GALNT13: variants seen among roughly 807,000 people sequenced by gnomAD.
GALNT13 encodes the protein polypeptide N-acetylgalactosaminyltransferase 13, also known as UDP-GalNAc:polypeptide N-acetylgalactosaminyltransferase 13.
Under a neutral mutation model 64.2 loss-of-function variants are expected in GALNT13, and 28 were observed. The observed-to-expected ratio is 0.44, with a 90% CI of 0.32 to 0.60. The LOEUF (loss-of-function observed/expected upper bound fraction) is 0.60. Among genes scored for constraint, GALNT13 ranks in the 20% least tolerant of loss-of-function variants. The probability of loss-of-function intolerance (pLI) is 0.05; values close to 1 mark genes in which losing one functional copy is unlikely to be tolerated. For synonymous variants in GALNT13, 214 were observed against 224.6 expected (o/e 0.95, Z 0.42); for missense variants, 577 against 669.8 (o/e 0.86, Z 1.53).
chr2:153,778,774 A>C, the GALNT13 span, among the ~76,000 whole-genome samples: 1 of 152,202 alleles, frequency 6.6e-6, no homozygotes, highest in African/African-American at 2.4e-5. Flanking sequence ...GTACAAGTGC[A>C]GTTTTGTTAC....
chr2:153,634,580 T>C, the GALNT13 span, among the ~76,000 whole-genome samples: 2 of 134,958 alleles, frequency 1.5e-5, no homozygotes, highest in African/African-American at 5.8e-5. Context: ...AGATGGAGTC[T>C]CGCTCTGTCA....
the GALNT13 span, among the ~76,000 whole-genome samples, chr2:153,183,719 G>A: frequency 6.6e-6 from 1 of 152,032 alleles, no homozygotes; most frequent in Admixed American, 6.6e-5. Context: ...CATTTATTAA[G>A]GAGGCAGTCT....
chr2:153,379,503 A>G, the GALNT13 span, among the ~76,000 whole-genome samples: 1 of 152,314 alleles, frequency 6.6e-6, no homozygotes, highest in East Asian at 1.9e-4. Flanking sequence ...GGCAGCAATC[A>G]GACTTCTTTG....
chr2:153,432,145 A>G, the GALNT13 span, among the ~76,000 whole-genome samples: 2 of 152,196 alleles, frequency 1.3e-5, no homozygotes, highest in African/African-American at 2.4e-5. Flanking sequence ...TTCAATTTCC[A>G]TGAAATCAAC....
chr2:154,025,664 A>C (rs1476621523), intron 3 of GALNT13, among the ~76,000 whole-genome samples: 1 of 152,118 alleles, frequency 6.6e-6, no homozygotes, highest in Non-Finnish European at 1.5e-5. Flanking sequence ...TTATTTCTTC[A>C]TTTAGTCAAC....
Position 153,993,619 on chromosome 2 carries a change from T to C in GALNT13, c.142+48980T>C, listed in dbSNP as rs536786797. Among the ~76,000 whole-genome samples the C allele has an allele frequency of 2.7e-3, 392 of 147,182 alleles. 6 individuals carry two copies. Among genetic ancestry groups the C allele is most frequent in the African/African-American group, 9.3e-3 (377 of 40,328 alleles). Reference sequence around the variant, plus strand: ...GGCTGAGGCAGGAGAATGTGTGAACTTGGGAGGCGAAGCTTGCATTGAGCC... The same window carrying C: ...GGCTGAGGCAGGAGAATGTGTGAACCTGGGAGGCGAAGCTTGCATTGAGCC... On this transcript the variant is annotated intron_variant, in intron 3 of 12. Coordinates refer to ENST00000392825, the MANE Select transcript of GALNT13 (RefSeq NM_052917.4).
the GALNT13 span, among the ~76,000 whole-genome samples, chr2:153,611,366 T>A: frequency 4.9e-4 from 75 of 152,236 alleles, no homozygotes; most frequent in Middle Eastern, 3.4e-3. Context: ...CGCCTTTTTT[T>A]AATTTTTTCA....
At chr2:154,329,086 G>A (rs1185523081) in intron 9 of GALNT13, among the ~76,000 whole-genome samples, 1 of 151,974 alleles carries the variant, frequency 6.6e-6, no homozygotes, top group Non-Finnish European at 1.5e-5. Context: ...TTTTTACCCA[G>A]TTTGTGGTTT....
chr2:153,247,670 C>G, the GALNT13 span, among the ~76,000 whole-genome samples: 7 of 150,294 alleles, frequency 4.7e-5, no homozygotes, highest in Non-Finnish European at 1.0e-4. Context: ...CAAGCAGGAG[C>G]AAACACATTC....
chr2:153,412,741 C>A, the GALNT13 span, among the ~76,000 whole-genome samples: 1 of 152,140 alleles, frequency 6.6e-6, no homozygotes, highest in Non-Finnish European at 1.5e-5. Context: ...ATTGTAATTT[C>A]TTGGTTTCAT....
chr2:154,260,382 TG>T lies in GALNT13; in HGVS notation c.975+1245del, dbSNP rs1313766256. Reference sequence around the variant, plus strand: ...GTAAGAAAATGTTAAAATTTGAGAATGAGTTACCTTGAATTTCTCTACTGTA... The same window carrying T: ...GTAAGAAAATGTTAAAATTTGAGAATAGTTACCTTGAATTTCTCTACTGTA... On this transcript the variant is annotated intron_variant, in intron 8 of 12. Coordinates refer to ENST00000392825, the MANE Select transcript of GALNT13 (RefSeq NM_052917.4). Among the ~76,000 whole-genome samples the T allele has an allele frequency of 2.0e-5, 3 of 152,312 alleles. No homozygotes were observed. The East Asian group carries it at 5.8e-4, about 29-fold the overall frequency.
intron 3 of GALNT13, among the ~76,000 whole-genome samples, chr2:153,998,194 T>C (rs775356621): frequency 1.3e-5 from 2 of 152,142 alleles, no homozygotes; most frequent in Non-Finnish European, 2.9e-5. Context: ...GTATTTTTGG[T>C]TCCAGATCCT....
the GALNT13 span, among the ~76,000 whole-genome samples, chr2:153,254,235 G>A: frequency 6.6e-6 from 1 of 152,142 alleles, no homozygotes; most frequent in African/African-American, 2.4e-5. Flanking sequence ...ATTTCTTCTA[G>A]ATTTTCTAGT....
chr2:154,290,867 G>A (rs925367228), intron 8 of GALNT13, among the ~76,000 whole-genome samples: 1 of 152,102 alleles, frequency 6.6e-6, no homozygotes, highest in African/African-American at 2.4e-5. Flanking sequence ...CCTTCACAGT[G>A]AGTGTTACAG....
intron 2 of GALNT13, among the ~76,000 whole-genome samples, chr2:153,930,582 G>A (rs909376738): frequency 1.1e-4 from 17 of 152,054 alleles, no homozygotes; most frequent in Admixed American, 3.9e-4. Context: ...TAGGAAGTCC[G>A]TTCCTCATTG....
chr2:154,219,201 A>C (rs958877602), intron 4 of GALNT13, among the ~76,000 whole-genome samples: 1 of 152,090 alleles, frequency 6.6e-6, no homozygotes, highest in Non-Finnish European at 1.5e-5. Context: ...TTGAGTACTG[A>C]CTACAATGCA....
At chr2:153,099,901 A>G in the GALNT13 span, among the ~76,000 whole-genome samples, 1 of 152,208 alleles carries the variant, frequency 6.6e-6, no homozygotes, top group African/African-American at 2.4e-5. Flanking sequence ...AATATTTCTG[A>G]GGACTATTGA....
chr2:154,228,355 T>C (rs1235257009), intron 4 of GALNT13, among the ~76,000 whole-genome samples: 2 of 152,154 alleles, frequency 1.3e-5, no homozygotes, highest in Non-Finnish European at 2.9e-5. Flanking sequence ...TGAGCTCTAG[T>C]TCCCACGTTG....
At chr2:154,031,522 A>G (rs1236123648) in intron 3 of GALNT13, among the ~76,000 whole-genome samples, 1 of 151,996 alleles carries the variant, frequency 6.6e-6, no homozygotes, top group Non-Finnish European at 1.5e-5. Flanking sequence ...AAACCCACTT[A>G]ATGTGTATGG....
Sources: gnomAD v4.1 joint callset for allele counts (sites outside exome capture counted in the v4.1 genomes callset) on GRCh38, gnomAD v4.1.1 for gene constraint, MANE v1.5 for transcripts, NCBI Gene and HGNC (gene_info 2026-07-23, HGNC 2026-07-21) for gene names.